MLLT3: variants seen among roughly 807,000 people sequenced by gnomAD.
The protein encoded by MLLT3 is protein AF-9.
MLLT3 carries 4 observed loss-of-function variants against 53.2 expected under a neutral mutation model. The ratio of observed to expected loss-of-function variants is 0.08; its 90% confidence interval spans 0.04 to 0.17. The LOEUF (loss-of-function observed/expected upper bound fraction) is 0.17, where lower values mean the gene tolerates loss of function less well. Ranked by LOEUF, MLLT3 falls within the 10% of genes least tolerant of loss-of-function variation. MLLT3 has a pLI of 1.00. For missense variants in MLLT3, 569 were observed against 684.0 expected, an observed-to-expected ratio of 0.83 and a Z score of 1.87; for synonymous variants, 283 against 230.6, an observed-to-expected ratio of 1.23 and a Z score of -2.06.
rs1028414287 is a variant in MLLT3 at position 20,345,171 on chromosome 9, G to A, written c.*1272C>T. The A allele has an allele frequency of 5.8e-5, 13 of 225,080 alleles. No individual in the cohort carries two copies. Among genetic ancestry groups the A allele is most frequent in the Admixed American group, 1.7e-4 (3 of 17,452 alleles). The allele number at this position is 225,080 out of a possible 1,614,324, so 13.9% of individuals were successfully genotyped here. A position where few individuals can be genotyped will look rare whatever the true frequency, so the allele number is the denominator to read the frequency against. On this transcript the variant is annotated 3_prime_UTR_variant, in exon 11 of 11. Coordinates refer to ENST00000380338, the MANE Select transcript of MLLT3 (RefSeq NM_004529.4). ...CAAAAAAATCCCCCCATCCCCAACCGTCTTTCACCAATACAAGAAATCCTT... is the reference window on the plus strand; with the variant it reads ...CAAAAAAATCCCCCCATCCCCAACCATCTTTCACCAATACAAGAAATCCTT...
At chr9:20,606,747 G>C (rs1820581351) in intron 2 of MLLT3, among the ~76,000 whole-genome samples, 1 of 151,792 alleles carries the variant, frequency 6.6e-6, no homozygotes, top group Admixed American at 6.6e-5. Flanking sequence ...TCTTTTCTAG[G>C]GTACTGCACC....
rs1408775710 is a variant in MLLT3, at chr9:20,438,806, T to A, written c.420+9317A>T. Among the ~76,000 whole-genome samples the A allele has an allele frequency of 2.0e-5, 3 of 152,140 alleles. 1 individual carries two copies. On this transcript the variant is annotated intron_variant, in intron 4 of 10. Coordinates refer to ENST00000380338, the MANE Select transcript of MLLT3 (RefSeq NM_004529.4). Reference sequence around the variant, plus strand: ...TACCCATATAAATTCCTATCTTAAGTCACCACAAGTTCATGTAAAGGCTGA... The same window carrying A: ...TACCCATATAAATTCCTATCTTAAGACACCACAAGTTCATGTAAAGGCTGA...
chr9:20,610,806 T>A (rs1314180861), intron 2 of MLLT3, among the ~76,000 whole-genome samples: 1 of 152,130 alleles, frequency 6.6e-6, no homozygotes, highest in Non-Finnish European at 1.5e-5. Flanking sequence ...TGAGGGAAGT[T>A]AGCTTCCAGC....
chr9:20,545,856 CAAAAAAAA>C (rs5896901), intron 2 of MLLT3, among the ~76,000 whole-genome samples: 2,128 of 99,854 alleles, frequency 0.021, 67 homozygotes, highest in East Asian at 0.18. Flanking sequence ...CAGTCTCTAC[CAAAAAAAA>C]AAAAAAAAAA....
At position 20,448,110 on chromosome 9, in the gene MLLT3, G is replaced by A; in HGVS notation, c.420+13C>T. On this transcript the variant is annotated intron_variant, in intron 4 of 10. Coordinates refer to ENST00000380338, the MANE Select transcript of MLLT3 (RefSeq NM_004529.4). This position sits in a 1 kb window ranked among gnomAD's most constrained non-coding sequence, Gnocchi z 4.0. ...TTTAATAGGAATGCTTTTCACAAGAGAGTGCCACTTACCCCTCCTGCCTTC... is the reference window on the plus strand; with the variant it reads ...TTTAATAGGAATGCTTTTCACAAGAAAGTGCCACTTACCCCTCCTGCCTTC... The A allele has an allele frequency of 6.2e-7, 1 of 1,604,166 alleles. No homozygotes were observed. The highest frequency in any genetic ancestry group is 8.5e-7 in the Non-Finnish European group (1 of 1,176,136).
intron 3 of MLLT3, among the ~76,000 whole-genome samples, chr9:20,450,853 G>C (rs187734659): frequency 6.6e-6 from 1 of 152,130 alleles, no homozygotes; most frequent in Non-Finnish European, 1.5e-5. Flanking sequence ...TTAAAAGGAG[G>C]GCAGTTTTCT....
chr9:20,430,154 T>C (rs1162714982), intron 4 of MLLT3, among the ~76,000 whole-genome samples: 1 of 152,112 alleles, frequency 6.6e-6, no homozygotes, highest in East Asian at 1.9e-4. Flanking sequence ...TAGGAATAAA[T>C]AAAGCATAAA....
At chr9:20,472,453 T>C (rs1017757990) in intron 2 of MLLT3, among the ~76,000 whole-genome samples, 1 of 152,028 alleles carries the variant, frequency 6.6e-6, no homozygotes, top group African/African-American at 2.4e-5. Context: ...CTCAAAAGGA[T>C]CATAGTTAGG....
chr9:20,508,958 T>C (rs974320237), intron 2 of MLLT3, among the ~76,000 whole-genome samples: 6 of 152,326 alleles, frequency 3.9e-5, no homozygotes, highest in East Asian at 1.9e-4. Context: ...AGTCTGGTGA[T>C]TGTGTGTTTG....
intron 5 of MLLT3, among the ~76,000 whole-genome samples, chr9:20,392,410 C>T (rs1336712887): frequency 6.6e-6 from 1 of 152,156 alleles, no homozygotes; most frequent in Non-Finnish European, 1.5e-5. Context: ...TCTATTAATA[C>T]AATCTTAGAT....
intron 4 of MLLT3, among the ~76,000 whole-genome samples, chr9:20,447,151 G>C (rs1823726059): frequency 6.6e-6 from 1 of 151,980 alleles, no homozygotes; most frequent in Admixed American, 6.6e-5. Flanking sequence ...CAAAGTGGTT[G>C]TTCATGTATC....
chr9:20,354,339 G>A (rs2118610094), intron 9 of MLLT3, among the ~76,000 whole-genome samples: 1 of 152,336 alleles, frequency 6.6e-6, no homozygotes, highest in Non-Finnish European at 1.5e-5. Context: ...AAAGATTTGT[G>A]AAACATTACA....
chr9:20,594,228 AC>A (rs1820196152), intron 2 of MLLT3, among the ~76,000 whole-genome samples: 1 of 152,130 alleles, frequency 6.6e-6, no homozygotes, highest in African/African-American at 2.4e-5. Context: ...GGTATAAGAC[AC>A]CGTGCCCAAC....
chr9:20,403,971 C>A (rs949263424), intron 5 of MLLT3, among the ~76,000 whole-genome samples: 1 of 152,022 alleles, frequency 6.6e-6, no homozygotes, highest in South Asian at 2.1e-4. Flanking sequence ...AGGTGAGAAC[C>A]ATCACACCCA....
chr9:20,418,693 T>C (rs932071924), intron 4 of MLLT3, among the ~76,000 whole-genome samples: 2 of 152,154 alleles, frequency 1.3e-5, no homozygotes, highest in African/African-American at 4.8e-5. Flanking sequence ...CACTACATGC[T>C]ACAGCCTGGA....
chr9:20,350,555 A>G (rs1820993239), intron 10 of MLLT3, among the ~76,000 whole-genome samples: 1 of 141,390 alleles, frequency 7.1e-6, no homozygotes. Flanking sequence ...AGATCCCGCC[A>G]CTGCACTCCA....
Position 20,360,791 on chromosome 9 carries a change from G to A in MLLT3, c.1382C>T (p.Pro461Leu), listed in dbSNP as rs781434004. The A allele has an allele frequency of 1.2e-6, 2 of 1,613,926 alleles. No homozygotes were observed. The highest frequency in any genetic ancestry group is 1.7e-6 in the Non-Finnish European group (2 of 1,179,946). Residue 461 changes from proline (P) to leucine (L), a missense_variant, in exon 8 of 11, where the codon CCC becomes CTC. Physicochemically the swap from Pro to Leu is moderately conservative, Grantham distance 98. Coordinates refer to ENST00000380338, the MANE Select transcript of MLLT3 (RefSeq NM_004529.4). Reference sequence around the variant, plus strand: ...GGGTGGTGGAGGTTCGTGATGTAGGGGTGAAGAAGCAGAACTGCTTTCACT... The same window carrying A: ...GGGTGGTGGAGGTTCGTGATGTAGGAGTGAAGAAGCAGAACTGCTTTCACT... ...SDSESSSASS[P>L]LHHEPPPPLL...
chr9:20,349,217 G>A (rs1587138536), intron 10 of MLLT3, among the ~76,000 whole-genome samples: 1 of 152,198 alleles, frequency 6.6e-6, no homozygotes, highest in East Asian at 1.9e-4. Context: ...CATAACCTTT[G>A]AGCCTCAGTT....
chr9:20,572,201 G>C (rs1457444264), intron 2 of MLLT3, among the ~76,000 whole-genome samples: 1 of 152,162 alleles, frequency 6.6e-6, no homozygotes, highest in Non-Finnish European at 1.5e-5. Flanking sequence ...GTTACCAGGG[G>C]CAGGGACAGA....
Sources: allele counts gnomAD v4.1 joint callset (sites outside exome capture counted in the v4.1 genomes callset), GRCh38; gene constraint gnomAD v4.1.1; non-coding constraint Gnocchi (gnomAD v3.1); transcripts MANE v1.5; gene names NCBI Gene and HGNC (gene_info 2026-07-23, HGNC 2026-07-21).